The following BAZ2B variants were observed in gnomAD, a reference collection of about 807,000 sequenced individuals.
BAZ2B encodes bromodomain adjacent to zinc finger domain protein 2B.
In BAZ2B, 91 loss-of-function variants were observed where a neutral mutation model predicts 246.0. That is an observed-to-expected ratio of 0.37 (90% CI 0.31 to 0.44). BAZ2B has a LOEUF of 0.44. Among genes scored for constraint, BAZ2B ranks in the 20% least tolerant of loss-of-function variants. The probability of loss-of-function intolerance (pLI) is 1.00; values close to 1 mark genes in which losing one functional copy is unlikely to be tolerated. For synonymous variants in BAZ2B, 855 were observed against 860.0 expected, an observed-to-expected ratio of 0.99 and a Z score of 0.10; for missense variants, 2,332 against 2,533.7, an observed-to-expected ratio of 0.92 and a Z score of 1.71.
Position 159,395,151 on chromosome 2 carries a change from G to C in BAZ2B, c.3075+618C>G, listed in dbSNP as rs376731432. 5.9e-5 allele frequency among the ~76,000 whole-genome samples: 9 copies of C among 152,198 alleles called. No homozygotes were observed. The South Asian group carries it at 1.7e-3, about 28-fold the overall frequency. On this transcript the variant is annotated intron_variant, in intron 20 of 36. Coordinates refer to ENST00000392783, the MANE Select transcript of BAZ2B (RefSeq NM_013450.4). ...CAAATTGGTGGCAGAACCAGCAGGG[G>C]AACCTGTGTCTTTCAACCTCCAAAG...
At chr2:159,406,527 G>A (rs572038675) in intron 14 of BAZ2B, among the ~76,000 whole-genome samples, 2 of 152,082 alleles carry the variant, frequency 1.3e-5, no homozygotes, top group Non-Finnish European at 2.9e-5. Flanking sequence ...GGCAAACTTG[G>A]TCTGAATACT....
chr2:159,669,852 T>C, the BAZ2B span, among the ~76,000 whole-genome samples: 2 of 152,220 alleles, frequency 1.3e-5, no homozygotes, highest in African/African-American at 4.8e-5. Flanking sequence ...CTTTAAATTT[T>C]AGTATTTAGA....
chr2:159,478,924 CTT>C (rs1219062227), intron 2 of BAZ2B, among the ~76,000 whole-genome samples: 1 of 152,106 alleles, frequency 6.6e-6, no homozygotes, highest in African/African-American at 2.4e-5. Flanking sequence ...ACCAAATCCT[CTT>C]GAGTTTTCTT....
the BAZ2B span, among the ~76,000 whole-genome samples, chr2:159,650,100 T>C: frequency 1.3e-5 from 2 of 152,272 alleles, no homozygotes; most frequent in East Asian, 3.9e-4. Flanking sequence ...TTCATTTTTT[T>C]ACTTAACATG....
intron 20 of BAZ2B, among the ~76,000 whole-genome samples, chr2:159,393,599 C>G (rs1448358831): frequency 6.7e-6 from 1 of 148,816 alleles, no homozygotes; most frequent in Non-Finnish European, 1.5e-5. Flanking sequence ...CAGATTTGCC[C>G]ATGAGTATTC....
rs143806527 is a variant in BAZ2B at position 159,605,482 on chromosome 2, A to G, written c.-46+10760T>C. 2.0e-5 allele frequency among the ~76,000 whole-genome samples: 3 copies of G among 152,364 alleles called. No homozygotes were observed. In the East Asian group the frequency reaches 5.8e-4, roughly 29 times the overall value. ...ATTTAGTTGGTACCTGCAGTATATT[A>G]AATGCTACTTGGAACAAATAAAATA... is the stretch of plus-strand genomic sequence containing the variant. On this transcript the variant is annotated intron_variant, in intron 1 of 36. Transcript: ENST00000392783.
At chr2:159,403,355 A>G (rs1201571056) in intron 16 of BAZ2B, among the ~76,000 whole-genome samples, 4 of 152,144 alleles carry the variant, frequency 2.6e-5, no homozygotes, top group Non-Finnish European at 5.9e-5. Flanking sequence ...TTGGAGCTCA[A>G]TGCTTTTTCA....
chr2:159,430,707 T>A (rs1156328166), intron 10 of BAZ2B, among the ~76,000 whole-genome samples, 156 bp downstream of exon 10: 2 of 152,204 alleles, frequency 1.3e-5, no homozygotes, highest in African/African-American at 4.8e-5. Flanking sequence ...TAATGAGTCA[T>A]ATCCTTTGAA....
chr2:159,378,773 T>C (rs982386261), intron 25 of BAZ2B, among the ~76,000 whole-genome samples: 1 of 152,120 alleles, frequency 6.6e-6, no homozygotes, highest in Non-Finnish European at 1.5e-5. Context: ...TTAGGGTAAT[T>C]ACTCTCAAAA....
chr2:159,518,970 G>A (rs2083739282), intron 2 of BAZ2B, among the ~76,000 whole-genome samples: 1 of 152,074 alleles, frequency 6.6e-6, no homozygotes, highest in South Asian at 2.1e-4. Flanking sequence ...CAACACTGGA[G>A]CATACAACAG....
At chr2:159,640,812 A>G in the BAZ2B span, among the ~76,000 whole-genome samples, 1 of 151,884 alleles carries the variant, frequency 6.6e-6, no homozygotes, top group African/African-American at 2.4e-5. Flanking sequence ...GCATCATAAG[A>G]CAGGATGAAA....
chr2:159,504,487 T>C (rs2082134484), intron 2 of BAZ2B, among the ~76,000 whole-genome samples: 2 of 152,178 alleles, frequency 1.3e-5, no homozygotes, highest in African/African-American at 2.4e-5. Flanking sequence ...TACAGGCACA[T>C]AGCACTCTGT....
intron 2 of BAZ2B, among the ~76,000 whole-genome samples, chr2:159,524,040 A>G (rs2084445772): frequency 6.6e-6 from 1 of 152,200 alleles, no homozygotes; most frequent in Non-Finnish European, 1.5e-5. Context: ...AAAAATACAT[A>G]TAAAAAACAA....
rs576546685 is a variant in BAZ2B, at chr2:159,481,427, T to A, written c.-2-2706A>T. Among the ~76,000 whole-genome samples the A allele has an allele frequency of 1.7e-4, 26 of 150,610 alleles. No individual in the cohort carries two copies. The East Asian group carries it at 2.9e-3, about 17-fold the overall frequency. ...CTAGAACTTAAAGTATAATAAAAAA[T>A]ATATATATAAATAATAAAAACAAAA... On this transcript the variant is annotated intron_variant, in intron 2 of 36. Coordinates refer to ENST00000392783, the MANE Select transcript of BAZ2B (RefSeq NM_013450.4).
chr2:159,709,601 T>C, the BAZ2B span, among the ~76,000 whole-genome samples: 3 of 152,162 alleles, frequency 2.0e-5, no homozygotes, highest in Non-Finnish European at 2.9e-5. Context: ...AATAAAAAAT[T>C]ATATGATTTG....
chr2:159,372,070 T>G (rs2060911236), intron 27 of BAZ2B, among the ~76,000 whole-genome samples: 1 of 152,194 alleles, frequency 6.6e-6, no homozygotes, highest in South Asian at 2.1e-4. Flanking sequence ...ACAAAACCCT[T>G]AAAAGCAACT....
chr2:159,490,352 C>T (rs572116546), intron 2 of BAZ2B, among the ~76,000 whole-genome samples: 41 of 152,176 alleles, frequency 2.7e-4, no homozygotes, highest in Non-Finnish European at 5.1e-4. Flanking sequence ...TCCAAAATAG[C>T]AATAGAATCT....
In BAZ2B at chr2:159,433,122, T is replaced by C. The variant is rs2071455232; in HGVS notation, c.1535A>G (p.Lys512Arg). Residue 512 changes from lysine (K) to arginine (R), a missense_variant, in exon 9 of 37, where the codon AAA becomes AGA. Around this residue, in one of 9 missense-constraint regions of BAZ2B, gnomAD observed 651 missense variants for 650.9 expected, o/e 1.00. Coordinates refer to ENST00000392783, the MANE Select transcript of BAZ2B (RefSeq NM_013450.4). ...IQEAPLALTT[K>R]TKMQSKINEN... ...ATTAATCTTGCTCTGCATTTTAGTT[T>C]TGGTAGTAAGTGCTAGAGGAGCTTC... 5 of 1,614,188 alleles carry C rather than the reference T, an allele frequency of 3.1e-6. No individual in the cohort carries two copies. Among genetic ancestry groups the C allele is most frequent in the African/African-American group, 1.3e-5 (1 of 75,058 alleles).
chr2:159,395,287 T>C (rs1169368508), intron 20 of BAZ2B: 2 of 152,404 alleles, frequency 1.3e-5, no homozygotes, highest in African/African-American at 4.8e-5. Flanking sequence ...AATAAGCTCA[T>C]TCTGATTGTA....
Sources: allele counts gnomAD v4.1 joint callset (sites outside exome capture counted in the v4.1 genomes callset), GRCh38; gene constraint gnomAD v4.1.1; regional missense constraint gnomAD v4.1.1; transcripts MANE v1.5; gene names NCBI Gene and HGNC (gene_info 2026-07-23, HGNC 2026-07-21).